The following PWP1 variants were observed in gnomAD, a reference collection of about 807,000 sequenced individuals.
PWP1 encodes PWP1 homolog, endonuclein.
In PWP1, 47 loss-of-function variants were observed where a neutral mutation model predicts 69.9. That is an observed-to-expected ratio of 0.67 (90% CI 0.53 to 0.86). PWP1 has a LOEUF of 0.86. Among genes scored for constraint, PWP1 ranks in the 40% least tolerant of loss-of-function variants. The pLI, the probability that PWP1 is intolerant of heterozygous loss-of-function variation, is 0.00. For synonymous variants in PWP1, 222 were observed against 208.2 expected (o/e 1.07, Z -0.57); for missense variants, 551 against 608.8 (o/e 0.91, Z 1.00).
In PWP1 at chr12:107,709,139, C is replaced by G. The variant is rs1343204326; in HGVS notation, c.1197C>G (p.Gly399=). Residue 399 remains glycine, a synonymous_variant, in exon 13 of 15, where the codon GGC becomes GGG. Transcript: ENST00000412830. ...TTGATCTTAGCAGTCAAATCAAGGG[C>G]TGTCTCGTGACTGCTTCAGCTGACA... is the stretch of plus-strand genomic sequence containing the variant. ...SGLDLSSQIK[G]CLVTASADKY... The G allele has an allele frequency of 2.5e-6, 4 of 1,613,998 alleles. No homozygotes were observed. The highest frequency in any genetic ancestry group is 3.4e-6 in the Non-Finnish European group (4 of 1,179,916).
chr12:107,699,308 T>G, intron 7 of PWP1, 65 bp from the exon 8 acceptor site: 4 of 1,208,326 alleles, frequency 3.3e-6, no homozygotes, highest in Middle Eastern at 4.6e-4. Flanking sequence ...TTTTGCAGAT[T>G]AATATATTCA....
At position 107,696,540 on chromosome 12, in the gene PWP1, G is replaced by A; in HGVS notation, c.569G>A (p.Ser190Asn). The A allele has an allele frequency of 6.2e-7, 1 of 1,614,086 alleles. No individual in the cohort carries two copies. The highest frequency in any genetic ancestry group is 1.1e-5 in the South Asian group (1 of 91,084). The change falls in exon 6 of 15, where the codon AGT becomes AAT. Residue 190 changes from serine (S) to asparagine (N), a missense_variant. Transcript: ENST00000412830. ...ATACTCTTGTCTGCATATCCTCTGA[G>A]TGTGGAATGGCTGAATTTTGATCCT... is the stretch of plus-strand genomic sequence containing the variant. ...HDILLSAYPL[S>N]VEWLNFDPSP...
At chr12:107,690,294 C>T (rs1004073974) in intron 3 of PWP1, among the ~76,000 whole-genome samples, 1 of 152,164 alleles carries the variant, frequency 6.6e-6, no homozygotes, top group Non-Finnish European at 1.5e-5. Flanking sequence ...GCAGCAGGAT[C>T]GCTCAAGCCC....
intron 5 of PWP1, among the ~76,000 whole-genome samples, chr12:107,694,735 T>G (rs1407547488): frequency 6.6e-6 from 1 of 152,186 alleles, no homozygotes; most frequent in African/African-American, 2.4e-5. Flanking sequence ...CCTGAGAACT[T>G]AACAGTCATT....
chr12:107,702,170 GC>G (rs1889725687), intron 8 of PWP1, among the ~76,000 whole-genome samples: 1 of 152,064 alleles, frequency 6.6e-6, no homozygotes, highest in Non-Finnish European at 1.5e-5. Flanking sequence ...ATATGAACTT[GC>G]CAACTTTGTT....
At chr12:107,692,938 T>C in intron 4 of PWP1, 39 bp downstream of exon 4, 1 of 1,613,072 alleles carries the variant, frequency 6.2e-7, no homozygotes, top group Non-Finnish European at 8.5e-7. Flanking sequence ...TGCTCTTAAG[T>C]GTTCAAAAAA....
intron 12 of PWP1, 29 bp from the exon 13 acceptor site, chr12:107,709,082 C>A (rs202155195): frequency 1.2e-6 from 2 of 1,613,524 alleles, no homozygotes; most frequent in Middle Eastern, 3.3e-4. Flanking sequence ...TATTTCAAAG[C>A]GAAAGTGTCT....
At chr12:107,708,665 GC>G (rs2136287931) in intron 11 of PWP1, among the ~76,000 whole-genome samples, 1 of 152,232 alleles carries the variant, frequency 6.6e-6, no homozygotes, top group Non-Finnish European at 1.5e-5. Context: ...TGTAACTATG[GC>G]CTCTTTTCTT....
At chr12:107,691,705 G>A (rs1208744298) in intron 3 of PWP1, among the ~76,000 whole-genome samples, 1 of 152,084 alleles carries the variant, frequency 6.6e-6, no homozygotes, top group Non-Finnish European at 1.5e-5. Flanking sequence ...TTTTCTTTCA[G>A]ACAAGAAGTA....
rs1889588485 is a variant in PWP1 at position 107,696,393 on chromosome 12, T to C, written c.503-81T>C. 4.5e-6 allele frequency: 7 copies of C among 1,555,382 alleles called. No homozygotes were observed. In the South Asian group the frequency reaches 4.8e-5, roughly 11 times the overall value. On this transcript the variant is annotated intron_variant, in intron 5 of 14. Transcript: ENST00000412830. ...AAGCACATGGCTCACGTACATTTAA[T>C]AGAATTTGTTTTTTTGAGCGGGATG...
chr12:107,698,575 T>A lies in PWP1; in HGVS notation c.745-798T>A, dbSNP rs889216389. On this transcript the variant is annotated intron_variant, in intron 7 of 14. Transcript: ENST00000412830. Reference sequence around the variant, plus strand: ...TTCTTCCCTGTTCCTTGTAATGAAATTTTTTTCTTTATTTTTCTTTTTTAA... The same window carrying A: ...TTCTTCCCTGTTCCTTGTAATGAAAATTTTTTCTTTATTTTTCTTTTTTAA... Among the ~76,000 whole-genome samples the A allele has an allele frequency of 2.0e-4, 31 of 152,138 alleles. 1 individual carries two copies. Among genetic ancestry groups the A allele is most frequent in the African/African-American group, 6.8e-4 (28 of 41,428 alleles).
chr12:107,710,622 A>G (rs1412755676), intron 14 of PWP1, 112 bp downstream of exon 14: 24 of 1,405,898 alleles, frequency 1.7e-5, no homozygotes, highest in Non-Finnish European at 2.2e-5. Context: ...TCCTGGCCTC[A>G]AGCAATCCTT....
chr12:107,685,884 C>A lies in PWP1; in HGVS notation c.-16C>A. The A allele has an allele frequency of 6.2e-7, 1 of 1,613,672 alleles. No homozygotes were observed. The highest frequency in any genetic ancestry group is 8.5e-7 in the Non-Finnish European group (1 of 1,179,896). Reference sequence around the variant, plus strand: ...CAGCCTGGTTTCTAGCGTGACACGCCCTTGACTTGAGGACCATGAACCGCA... The same window carrying A: ...CAGCCTGGTTTCTAGCGTGACACGCACTTGACTTGAGGACCATGAACCGCA... On this transcript the variant is annotated 5_prime_UTR_variant, in exon 1 of 15. Coordinates refer to ENST00000412830, the MANE Select transcript of PWP1 (RefSeq NM_007062.3).
chr12:107,688,203 G>A, intron 1 of PWP1, among the ~76,000 whole-genome samples: 1 of 152,150 alleles, frequency 6.6e-6, no homozygotes, highest in Non-Finnish European at 1.5e-5. Flanking sequence ...AGTCTTTGGA[G>A]TTTTAAGACT....
intron 10 of PWP1, 42 bp downstream of exon 10, chr12:107,703,788 C>T (rs1233028431): frequency 1.3e-6 from 2 of 1,529,632 alleles, no homozygotes; most frequent in South Asian, 1.1e-5. Context: ...CTGTTTTTAT[C>T]CTCTAGAAGT....
intron 5 of PWP1, among the ~76,000 whole-genome samples, chr12:107,694,515 A>G (rs2136274852): frequency 6.6e-6 from 1 of 152,172 alleles, no homozygotes; most frequent in East Asian, 1.9e-4. Flanking sequence ...GATTAGGCCC[A>G]TTTTATCTCA....
intron 5 of PWP1, 120 bp downstream of exon 5, chr12:107,693,216 A>T: frequency 7.1e-7 from 1 of 1,408,432 alleles, no homozygotes; most frequent in Non-Finnish European, 9.3e-7. Context: ...TTGGTTACAT[A>T]GTTAACTTTT....
At chr12:107,706,282 T>G (rs1593149218) in intron 11 of PWP1, among the ~76,000 whole-genome samples, 2 of 152,356 alleles carry the variant, frequency 1.3e-5, no homozygotes, top group East Asian at 1.9e-4. Flanking sequence ...TCATTGTAGA[T>G]TCTGGATATT....
Position 107,697,734 on chromosome 12 carries a change from A to G in PWP1, c.744+137A>G, listed in dbSNP as rs550049108. The G allele has an allele frequency of 4.6e-5, 42 of 914,656 alleles. No homozygotes were observed. In the South Asian group the frequency reaches 5.0e-4, roughly 11 times the overall value. 56.7% of individuals were successfully genotyped at this position (914,656 alleles called of 1,614,324 possible). On this transcript the variant is annotated intron_variant, in intron 7 of 14. Transcript: ENST00000412830. The stretch of plus-strand genomic sequence containing the variant: ...GGGTAGGTAGTTATGAAATTATTGT[A>G]ATTTTTAGTTTTGAAAAGGCCATCC...
Sources: allele counts gnomAD v4.1 joint callset (sites outside exome capture counted in the v4.1 genomes callset), GRCh38; gene constraint gnomAD v4.1.1; transcripts MANE v1.5; gene names NCBI Gene and HGNC (gene_info 2026-07-23, HGNC 2026-07-21).